PDCL2: variants seen among roughly 807,000 people sequenced by gnomAD.
PDCL2 encodes the protein phosducin-like protein 2.
A neutral mutation model predicts 30.3 loss-of-function variants in PDCL2; 23 were observed. The observed-to-expected ratio is 0.76, with a 90% CI of 0.55 to 1.08. PDCL2 has a LOEUF of 1.08. Ranked by LOEUF, PDCL2 falls within the 50% of genes least tolerant of loss-of-function variation. The probability of loss-of-function intolerance (pLI) is 0.00; values close to 1 mark genes in which losing one functional copy is unlikely to be tolerated. For synonymous variants in PDCL2, 68 were observed against 86.2 expected (o/e 0.79, Z 1.17); for missense variants, 243 against 282.3 (o/e 0.86, Z 1.00).
At chr4:55,570,278 T>TA (rs1732388966) in intron 3 of PDCL2, among the ~76,000 whole-genome samples, 1 of 152,218 alleles carries the variant, frequency 6.6e-6, no homozygotes, top group African/African-American at 2.4e-5. Flanking sequence ...TTAATCCTTG[T>TA]AAAAATGTTA....
chr4:55,569,640 C>T (rs751745170), intron 4 of PDCL2, 78 bp downstream of exon 4: 2 of 1,138,588 alleles, frequency 1.8e-6, no homozygotes, highest in East Asian at 5.2e-5. Context: ...CTGTTATATA[C>T]TTTGTAAAAC....
chr4:55,571,702 T>TAAAAAAAAAAAAAAAAAA (rs1560501588), intron 3 of PDCL2, among the ~76,000 whole-genome samples: 5 of 137,698 alleles, frequency 3.6e-5, no homozygotes, highest in African/African-American at 5.5e-5. Flanking sequence ...AAAAAAAAAT[T>TAAAAAAAAAAAAAAAAAA]TTTGACCTTA....
chr4:55,567,826 T>TG (rs975259761), intron 4 of PDCL2, among the ~76,000 whole-genome samples: 1 of 152,132 alleles, frequency 6.6e-6, no homozygotes, highest in Non-Finnish European at 1.5e-5. Flanking sequence ...CAAAGGTACT[T>TG]GGGTTTAGTC....
intron 4 of PDCL2, 41 bp from the exon 5 acceptor site, chr4:55,562,653 C>T (rs2279458): frequency 0.38 from 505,201 of 1,344,046 alleles, 98,324 homozygotes; most frequent in East Asian, 0.61. Context: ...AATAAATGGG[C>T]TACTCATCTC....
intron 1 of PDCL2, among the ~76,000 whole-genome samples, chr4:55,585,555 C>A (rs1732837640): frequency 6.6e-6 from 1 of 152,090 alleles, no homozygotes; most frequent in Admixed American, 6.6e-5. Flanking sequence ...CACACACACA[C>A]ACACACAAAG....
At chr4:55,572,648 C>T (rs1366267915) in intron 3 of PDCL2, among the ~76,000 whole-genome samples, 1 of 152,198 alleles carries the variant, frequency 6.6e-6, no homozygotes, top group African/African-American at 2.4e-5. Context: ...TGTGCATCCC[C>T]TGAATCTACA....
intron 3 of PDCL2, among the ~76,000 whole-genome samples, chr4:55,576,019 T>C (rs546936193): frequency 6.6e-6 from 1 of 151,796 alleles, no homozygotes; most frequent in African/African-American, 2.4e-5. Context: ...GTTAACTACA[T>C]AGGGAAATAT....
At chr4:55,578,662 G>C (rs1732633033) in intron 3 of PDCL2, among the ~76,000 whole-genome samples, 1 of 151,666 alleles carries the variant, frequency 6.6e-6, no homozygotes, top group Non-Finnish European at 1.5e-5. Flanking sequence ...ATGCATTACT[G>C]AAAATGATAC....
chr4:55,582,810 A>T (rs1045833414), intron 1 of PDCL2, among the ~76,000 whole-genome samples: 4 of 140,454 alleles, frequency 2.8e-5, no homozygotes, highest in African/African-American at 1.1e-4. Flanking sequence ...CCCGTGTCCA[A>T]GTGTTCTCAT....
Position 55,556,722 on chromosome 4 carries a change from T to C in PDCL2, c.572-11A>G. ...GCTTCCATTCAAGTTCTGTAATAAATAACCCATCATTCAGTTAAAAATCTT... is the reference window on the plus strand; with the variant it reads ...GCTTCCATTCAAGTTCTGTAATAAACAACCCATCATTCAGTTAAAAATCTT... On this transcript the variant is annotated splice_polypyrimidine_tract_variant and intron_variant, in intron 5 of 5. Coordinates refer to ENST00000295645, the MANE Select transcript of PDCL2 (RefSeq NM_152401.3). 1 of 1,520,552 alleles carries C rather than the reference T, an allele frequency of 6.6e-7. No homozygotes were observed. The highest frequency in any genetic ancestry group is 8.8e-7 in the Non-Finnish European group (1 of 1,134,736). The allele number at this position is 1,520,552 out of a possible 1,614,324, so 94.2% of individuals were successfully genotyped here. A position where few individuals can be genotyped will look rare whatever the true frequency, so the allele number is the denominator to read the frequency against.
intron 1 of PDCL2, among the ~76,000 whole-genome samples, chr4:55,591,476 C>T (rs555091024): frequency 6.6e-6 from 1 of 152,272 alleles, no homozygotes; most frequent in South Asian, 2.1e-4. Flanking sequence ...GAAACCTCTG[C>T]CTCTGGTTCA....
At chr4:55,579,899 T>A (rs753720898) in intron 3 of PDCL2, among the ~76,000 whole-genome samples, 7 of 151,116 alleles carry the variant, frequency 4.6e-5, no homozygotes, top group South Asian at 2.1e-4. Context: ...CAGGCTGGAG[T>A]GCAATGGCGC....
In PDCL2 at chr4:55,565,498, T is replaced by C. The variant is rs566008023; in HGVS notation, c.363-2886A>G. Among the ~76,000 whole-genome samples, 20 of 152,228 alleles carry C rather than the reference T, an allele frequency of 1.3e-4. No individual in the cohort carries two copies. The South Asian group carries it at 4.1e-3, about 32-fold the overall frequency. ...GCTGAGCAAAAGGGGAAAAGCCCCT[T>C]ATAAAACCGTCAGATCTCATGAGAA... On this transcript the variant is annotated intron_variant, in intron 4 of 5. Coordinates refer to ENST00000295645, the MANE Select transcript of PDCL2 (RefSeq NM_152401.3).
chr4:55,573,422 A>G (rs1044099687), intron 3 of PDCL2, among the ~76,000 whole-genome samples: 29 of 152,176 alleles, frequency 1.9e-4, no homozygotes, highest in African/African-American at 7.0e-4. Flanking sequence ...TCTTGTCCGA[A>G]GGTACTGGCT....
At chr4:55,557,735 A>C (rs1486043357) in intron 5 of PDCL2, among the ~76,000 whole-genome samples, 1 of 152,080 alleles carries the variant, frequency 6.6e-6, no homozygotes, top group Non-Finnish European at 1.5e-5. Context: ...CCAGAGTCTC[A>C]TCTAAATCAG....
chr4:55,589,186 G>C (rs1183256167), intron 1 of PDCL2, among the ~76,000 whole-genome samples: 1 of 152,076 alleles, frequency 6.6e-6, no homozygotes, highest in Non-Finnish European at 1.5e-5. Context: ...ACCTATTTCT[G>C]ATCATTCTGT....
chr4:55,588,488 G>A (rs1732917209), intron 1 of PDCL2, among the ~76,000 whole-genome samples: 2 of 151,928 alleles, frequency 1.3e-5, no homozygotes. Flanking sequence ...CCAAATCAAT[G>A]TACATCTTAC....
chr4:55,581,909 G>A (rs1210893659), intron 2 of PDCL2, among the ~76,000 whole-genome samples: 5 of 152,036 alleles, frequency 3.3e-5, no homozygotes, highest in South Asian at 2.1e-4. Context: ...GGGTTTCACC[G>A]TGTTAGCCAG....
At chr4:55,570,588 G>A (rs913872142) in intron 3 of PDCL2, among the ~76,000 whole-genome samples, 12 of 152,076 alleles carry the variant, frequency 7.9e-5, no homozygotes, top group Non-Finnish European at 1.8e-4. Context: ...ACTCACAAGG[G>A]ATTACTGGGA....
Sources: gnomAD v4.1 joint callset for allele counts (sites outside exome capture counted in the v4.1 genomes callset) on GRCh38, gnomAD v4.1.1 for gene constraint, MANE v1.5 for transcripts, NCBI Gene and HGNC (gene_info 2026-07-23, HGNC 2026-07-21) for gene names.